Variants in FOXK1 observed in about 807,000 individuals in gnomAD.
FOXK1 encodes forkhead box protein K1.
In FOXK1, 19 loss-of-function variants were observed where a neutral mutation model predicts 51.9. That is an observed-to-expected ratio of 0.37 (90% CI 0.26 to 0.54). The LOEUF is 0.54. Ranked by LOEUF, FOXK1 falls within the 20% of genes least tolerant of loss-of-function variation. FOXK1 has a pLI of 0.87. For missense variants in FOXK1, 870 were observed against 1,032.7 expected, an observed-to-expected ratio of 0.84 and a Z score of 2.16; for synonymous variants, 537 against 482.6, an observed-to-expected ratio of 1.11 and a Z score of -1.48.
In FOXK1 at chr7:4,759,510, A is replaced by T. The variant is rs79357656; in HGVS notation, c.1611A>T (p.Gly537=). 74,858 of 1,573,166 alleles carry T rather than the reference A, an allele frequency of 0.048. 2,081 individuals carry two copies. Among genetic ancestry groups the T allele is most frequent in the Non-Finnish European group, 0.055 (64,402 of 1,165,670 alleles). ...VVTTSANSAN[G]YILTSQGAAG... is the part of the protein sequence containing the mutation. ...CCACATCTGCCAACTCGGCCAACGG[A>T]TACATCCTCACCAGCCAGGGCGCGG... Residue 537 remains glycine (G), a synonymous_variant, in exon 7 of 9, where the codon GGA becomes GGT. Coordinates refer to ENST00000328914, the MANE Select transcript of FOXK1 (RefSeq NM_001037165.2).
At chr7:4,725,742 G>A (rs536342866) in intron 1 of FOXK1, among the ~76,000 whole-genome samples, 6 of 152,348 alleles carry the variant, frequency 3.9e-5, no homozygotes, top group Middle Eastern at 6.8e-3. Context: ...GTCAACTGCC[G>A]TGGCTGCCCG....
intron 1 of FOXK1, among the ~76,000 whole-genome samples, chr7:4,685,565 T>A (rs1476180874): frequency 1.3e-5 from 2 of 149,340 alleles, no homozygotes; most frequent in Non-Finnish European, 3.0e-5. Context: ...AACTTACACC[T>A]AAGTAGTCAC....
chr7:4,747,643 C>T lies in FOXK1; in HGVS notation c.746+6620C>T, dbSNP rs1005021715. ...CTCAACCTCCCGGGCTCAAGCGATC[C>T]TCCCACTGCAGCCTCCTGAGTAGCT... On this transcript the variant is annotated intron_variant, in intron 2 of 8. Transcript: ENST00000328914. This position sits in a 1 kb window ranked among gnomAD's most constrained non-coding sequence, Gnocchi z 9.2. Among the ~76,000 whole-genome samples, 1 of 151,970 alleles carries T rather than the reference C, an allele frequency of 6.6e-6. No individual in the cohort carries two copies. The highest frequency in any genetic ancestry group is 2.4e-5 in the African/African-American group (1 of 41,342).
rs1332944264 is a variant in FOXK1, at chr7:4,683,728, TG to T, written c.560+862del. ...CCCAGTGGCTACCCCTGACCCTGTC[TG>T]GTCTGGACCCTTGGGCCACCCCCAC... On this transcript the variant is annotated intron_variant, in intron 1 of 8. Transcript: ENST00000328914. This position sits in a 1 kb window ranked among gnomAD's most constrained non-coding sequence, Gnocchi z 4.5. Among the ~76,000 whole-genome samples the T allele has an allele frequency of 6.6e-6, 1 of 152,006 alleles. No homozygotes were observed. Among genetic ancestry groups the T allele is most frequent in the African/African-American group, 2.4e-5 (1 of 41,392 alleles).
At chr7:4,702,845 G>A (rs1057076399) in intron 1 of FOXK1, among the ~76,000 whole-genome samples, 2 of 152,172 alleles carry the variant, frequency 1.3e-5, no homozygotes, top group East Asian at 3.9e-4. Flanking sequence ...CTCCTCCCCT[G>A]CCTTCCTCTT....
In FOXK1 at chr7:4,758,696, G is replaced by A. The variant is rs1043657351; in HGVS notation, c.1245-355G>A. 1.2e-5 allele frequency: 3 copies of A among 253,642 alleles called. No individual in the cohort carries two copies. Among genetic ancestry groups the A allele is most frequent in the Non-Finnish European group, 2.2e-5 (3 of 133,448 alleles). 15.7% of individuals were successfully genotyped at this position (253,642 alleles called of 1,614,324 possible). ...AGAGTTTTCATGGTGGAACGGTTGC[G>A]CCCACCAAACAGAAGCTTATGTTTT... On this transcript the variant is annotated intron_variant, in intron 5 of 8. Coordinates refer to ENST00000328914, the MANE Select transcript of FOXK1 (RefSeq NM_001037165.2). This position sits in a 1 kb window ranked among gnomAD's most constrained non-coding sequence, Gnocchi z 4.4.
At chr7:4,718,587 A>G (rs1780268127) in intron 1 of FOXK1, among the ~76,000 whole-genome samples, 1 of 152,196 alleles carries the variant, frequency 6.6e-6, no homozygotes, top group Non-Finnish European at 1.5e-5. Context: ...GAGCGGACCT[A>G]GGTTTCCCTC....
chr7:4,747,374 C>G lies in FOXK1; in HGVS notation c.746+6351C>G, dbSNP rs1248446877. ...CCTCTCCGCTCAAGCACCCACTCAG[C>G]TCTGTGAGGTCTATGCCTAACATGA... On this transcript the variant is annotated intron_variant, in intron 2 of 8. Transcript: ENST00000328914. This position sits in a 1 kb window ranked among gnomAD's most constrained non-coding sequence, Gnocchi z 9.2. Among the ~76,000 whole-genome samples, 1 of 152,238 alleles carries G rather than the reference C, an allele frequency of 6.6e-6. No homozygotes were observed. The highest frequency in any genetic ancestry group is 1.5e-5 in the Non-Finnish European group (1 of 68,046).
rs1396165389 is a variant in FOXK1, at chr7:4,723,810, A to G, written c.561-17028A>G. ...AGCCTCCCAAATAGCTGAGACTACCAGTGTGCACCACCACACCTGGCTGAC... is the reference window on the plus strand; with the variant it reads ...AGCCTCCCAAATAGCTGAGACTACCGGTGTGCACCACCACACCTGGCTGAC... On this transcript the variant is annotated intron_variant, in intron 1 of 8. Transcript: ENST00000328914. This position sits in a 1 kb window ranked among gnomAD's most constrained non-coding sequence, Gnocchi z 4.7. Among the ~76,000 whole-genome samples, 3 of 151,962 alleles carry G rather than the reference A, an allele frequency of 2.0e-5. No individual in the cohort carries two copies. The highest frequency in any genetic ancestry group is 4.4e-5 in the Non-Finnish European group (3 of 67,976).
Position 4,742,065 on chromosome 7 carries a change from C to T in FOXK1, c.746+1042C>T, listed in dbSNP as rs889904541. On this transcript the variant is annotated intron_variant, in intron 2 of 8. Transcript: ENST00000328914. ...CCGCACGTCTGTGGCTCTGCAGATGCGTGGCTGCGCGTGGTTTGGTGCCGG... is the reference window on the plus strand; with the variant it reads ...CCGCACGTCTGTGGCTCTGCAGATGTGTGGCTGCGCGTGGTTTGGTGCCGG... Among the ~76,000 whole-genome samples, 83 of 152,272 alleles carry T rather than the reference C, an allele frequency of 5.5e-4. 1 individual carries two copies. The highest frequency in any genetic ancestry group is 1.3e-4 in the Admixed American group (2 of 15,288).
chr7:4,725,287 G>T (rs1002287525), intron 1 of FOXK1, among the ~76,000 whole-genome samples: 1 of 152,364 alleles, frequency 6.6e-6, no homozygotes, highest in South Asian at 2.1e-4. Flanking sequence ...GAGCACCGAC[G>T]CCATCGGCTC....
intron 1 of FOXK1, among the ~76,000 whole-genome samples, chr7:4,708,151 G>C (rs1780128711): frequency 6.6e-6 from 1 of 152,104 alleles, no homozygotes; most frequent in Non-Finnish European, 1.5e-5. Context: ...TGTGCTCTTT[G>C]AAGGGCCCGA....
At chr7:4,704,323 C>T (rs940365131) in intron 1 of FOXK1, among the ~76,000 whole-genome samples, 10 of 151,508 alleles carry the variant, frequency 6.6e-5, no homozygotes, top group African/African-American at 2.4e-4. Flanking sequence ...TAGTGGGGCA[C>T]GCCTGTAATC....
Position 4,754,573 on chromosome 7 carries a change from G to A in FOXK1, c.861G>A (p.Ala287=), listed in dbSNP as rs766391194. ...QLAAEFAAKA[A]SEQQADTSGG... ...CAGCAGAGTTTGCAGCAAAGGCCGCGTCGGAGCAGCAGGCAGACACGTCTG... is the reference window on the plus strand; with the variant it reads ...CAGCAGAGTTTGCAGCAAAGGCCGCATCGGAGCAGCAGGCAGACACGTCTG... The change falls in exon 3 of 9, where the codon GCG becomes GCA. Residue 287 remains alanine, a synonymous_variant. Coordinates refer to ENST00000328914, the MANE Select transcript of FOXK1 (RefSeq NM_001037165.2). 8.8e-5 allele frequency: 141 copies of A among 1,608,590 alleles called. 1 individual carries two copies. In the Admixed American group the frequency reaches 2.0e-3, roughly 23 times the overall value.
At chr7:4,744,660 A>C (rs540966636) in intron 2 of FOXK1, among the ~76,000 whole-genome samples, 18 of 152,252 alleles carry the variant, frequency 1.2e-4, no homozygotes, top group Non-Finnish European at 2.5e-4. Context: ...TGTTCTGAGA[A>C]GCTGGGTGGC....
intron 1 of FOXK1, among the ~76,000 whole-genome samples, chr7:4,693,610 T>C (rs992165926): frequency 2.0e-5 from 3 of 152,118 alleles, no homozygotes; most frequent in African/African-American, 7.2e-5. Flanking sequence ...ATGGTGCCCT[T>C]GGCCTTTCAG....
intron 5 of FOXK1, chr7:4,757,998 T>G (rs568929142): frequency 6.6e-6 from 1 of 152,350 alleles, no homozygotes; most frequent in South Asian, 2.1e-4. Context: ...GTATTAAAAA[T>G]AAGATTTTAG....
At chr7:4,732,125 T>C (rs1026825844) in intron 1 of FOXK1, among the ~76,000 whole-genome samples, 8 of 152,248 alleles carry the variant, frequency 5.3e-5, no homozygotes, top group Non-Finnish European at 1.0e-4. Context: ...TGTAAACGTT[T>C]CCATATTCCC....
chr7:4,693,732 CTTGT>C (rs2115030913), intron 1 of FOXK1, among the ~76,000 whole-genome samples: 1 of 152,236 alleles, frequency 6.6e-6, no homozygotes, highest in African/African-American at 2.4e-5. Flanking sequence ...CAGAATTTGT[CTTGT>C]TTTTTTGTTT....
Sources: allele counts gnomAD v4.1 joint callset (sites outside exome capture counted in the v4.1 genomes callset), GRCh38; gene constraint gnomAD v4.1.1; non-coding constraint Gnocchi (gnomAD v3.1); transcripts MANE v1.5; gene names NCBI Gene and HGNC (gene_info 2026-07-23, HGNC 2026-07-21).